Variants in ADGRG5 observed in about 807,000 individuals in gnomAD.
The protein encoded by ADGRG5 is G protein-coupled receptor 114.
Under a neutral mutation model 53.2 loss-of-function variants are expected in ADGRG5, and 37 were observed. That is an observed-to-expected ratio of 0.70 (90% CI 0.53 to 0.91). The LOEUF is 0.91. Ranked by LOEUF, ADGRG5 falls within the 40% of genes least tolerant of loss-of-function variation. The pLI, the probability that ADGRG5 is intolerant of heterozygous loss-of-function variation, is 0.00. For synonymous variants in ADGRG5, 277 were observed against 290.4 expected, an observed-to-expected ratio of 0.95 and a Z score of 0.47; for missense variants, 614 against 675.8, an observed-to-expected ratio of 0.91 and a Z score of 1.01.
At chr16:57,564,516 G>T (rs1166342912) in intron 5 of ADGRG5, among the ~76,000 whole-genome samples, 2 of 152,178 alleles carry the variant, frequency 1.3e-5, no homozygotes, top group Admixed American at 6.5e-5. Flanking sequence ...TGGCCAGGCT[G>T]ATCTTGAACT....
In ADGRG5 at chr16:57,574,952, G is replaced by T; in HGVS notation, c.1346G>T (p.Ser449Ile). 1 of 1,613,706 alleles carries T rather than the reference G, an allele frequency of 6.2e-7. No individual in the cohort carries two copies. Among genetic ancestry groups the T allele is most frequent in the Non-Finnish European group, 8.5e-7 (1 of 1,180,012 alleles). ...CTGCGGGAGCGGGCGGATGCACCAAGTGTCAGGGCCTGCCATGACACTGTC... is the reference window on the plus strand; with the variant it reads ...CTGCGGGAGCGGGCGGATGCACCAATTGTCAGGGCCTGCCATGACACTGTC... ...RRLRERADAP[S>I]VRACHDTVTV... The change falls in exon 11 of 12, where the codon AGT (serine) becomes ATT (isoleucine). Residue 449 changes from serine to isoleucine, a missense_variant. By Grantham distance (142) the Ser-to-Ile change is moderately radical. Coordinates refer to ENST00000349457, the MANE Select transcript of ADGRG5 (RefSeq NM_001304376.3). The surrounding 1 kb of genome is among the most constrained non-coding windows in gnomAD (Gnocchi z 4.4).
At chr16:57,537,074 T>C in the ADGRG5 span, among the ~76,000 whole-genome samples, 1 of 152,192 alleles carries the variant, frequency 6.6e-6, no homozygotes, top group African/African-American at 2.4e-5. Flanking sequence ...AAAGCAACCT[T>C]GCGCTTGTTA....
intron 1 of ADGRG5, among the ~76,000 whole-genome samples, chr16:57,553,493 T>C (rs1347182636): frequency 6.6e-6 from 1 of 152,232 alleles, no homozygotes; most frequent in East Asian, 1.9e-4. Flanking sequence ...CAAAAATCAA[T>C]ATATGAACAA....
Position 57,567,462 on chromosome 16 carries a change from T to C in ADGRG5, c.700-8T>C. ...CTTCTGGCCTCCAGCCCCTCTTCCC[T>C]CCTGCAGCAACTCTCCCCAGCCCTG... is the stretch of plus-strand genomic sequence containing the variant. On this transcript the variant is annotated splice_region_variant and splice_polypyrimidine_tract_variant and intron_variant, in intron 7 of 11. Coordinates refer to ENST00000349457, the MANE Select transcript of ADGRG5 (RefSeq NM_001304376.3). 1 of 1,606,358 alleles carries C rather than the reference T, an allele frequency of 6.2e-7. No homozygotes were observed. Among genetic ancestry groups the C allele is most frequent in the Non-Finnish European group, 8.5e-7 (1 of 1,179,704 alleles).
At chr16:57,545,307 C>A (rs1399920553) in intron 1 of ADGRG5, among the ~76,000 whole-genome samples, 2 of 152,116 alleles carry the variant, frequency 1.3e-5, no homozygotes, top group African/African-American at 2.4e-5. Context: ...CAGTGCATCC[C>A]AGTATCAATG....
intron 1 of ADGRG5, among the ~76,000 whole-genome samples, chr16:57,550,180 G>A (rs2032714076): frequency 6.6e-6 from 1 of 152,172 alleles, no homozygotes; most frequent in Non-Finnish European, 1.5e-5. Flanking sequence ...GTTTCACCAT[G>A]TTGGCCAGGC....
Position 57,563,994 on chromosome 16 carries a change from G to C in ADGRG5, c.429+15G>C. ...ACTTTTTCAAGGTCAGTGTGATGGC[G>C]GGCCAAGGAGGGTGGGTGCCGGCCC... is the stretch of plus-strand genomic sequence containing the variant. On this transcript the variant is annotated intron_variant, in intron 5 of 11. Transcript: ENST00000349457. 1 of 1,605,238 alleles carries C rather than the reference G, an allele frequency of 6.2e-7. No individual in the cohort carries two copies. Among genetic ancestry groups the C allele is most frequent in the Non-Finnish European group, 8.5e-7 (1 of 1,173,028 alleles).
intron 10 of ADGRG5, among the ~76,000 whole-genome samples, chr16:57,572,302 C>T (rs186178127): frequency 4.6e-5 from 7 of 152,082 alleles, no homozygotes; most frequent in East Asian, 1.9e-4. Context: ...AGTGAAACCC[C>T]GTCTCTATTA....
chr16:57,545,074 G>A (rs1244588193), intron 1 of ADGRG5, among the ~76,000 whole-genome samples: 3 of 152,026 alleles, frequency 2.0e-5, no homozygotes, highest in African/African-American at 4.8e-5. Context: ...ACCACACCCG[G>A]CTCCCCCAAA....
intron 1 of ADGRG5, among the ~76,000 whole-genome samples, chr16:57,556,211 G>A (rs1452531010): frequency 2.0e-5 from 3 of 152,008 alleles, no homozygotes; most frequent in Admixed American, 6.5e-5. Context: ...TATTTGGTAC[G>A]TGTTTCTTGA....
intron 1 of ADGRG5, among the ~76,000 whole-genome samples, chr16:57,544,007 A>T (rs118015149): frequency 0.031 from 4,745 of 152,284 alleles, 119 homozygotes; most frequent in Non-Finnish European, 0.046. Flanking sequence ...GCAACTGGTT[A>T]TCAAATTCTC....
upstream of ADGRG5, among the ~76,000 whole-genome samples, chr16:57,542,016 C>T (rs1317731224): frequency 6.6e-6 from 1 of 152,244 alleles, no homozygotes; most frequent in African/African-American, 2.4e-5. Flanking sequence ...TGAAATATGA[C>T]GGCTTCATAG....
At chr16:57,569,364 C>T (rs1049863057) in intron 9 of ADGRG5, among the ~76,000 whole-genome samples, 2 of 149,076 alleles carry the variant, frequency 1.3e-5, no homozygotes, top group African/African-American at 2.5e-5. Context: ...CCTCCATCAC[C>T]ACCTCCTCCA....
chr16:57,575,343 T>C lies in ADGRG5; in HGVS notation c.1487-95T>C, dbSNP rs897486053. 7 of 1,204,384 alleles carry C rather than the reference T, an allele frequency of 5.8e-6. No homozygotes were observed. In the African/African-American group the frequency reaches 1.1e-4, roughly 18 times the overall value. The allele number at this position is 1,204,384 out of a possible 1,614,324, so 74.6% of individuals were successfully genotyped here. A position where few individuals can be genotyped will look rare whatever the true frequency, so the allele number is the denominator to read the frequency against. ...AGTAAGAGATTCTGGGAGTTGCCCATGGGCCCCAGGGAGGCCAGCTCGCTG... is the reference window on the plus strand; with the variant it reads ...AGTAAGAGATTCTGGGAGTTGCCCACGGGCCCCAGGGAGGCCAGCTCGCTG... On this transcript the variant is annotated intron_variant, in intron 11 of 11. Transcript: ENST00000349457.
the ADGRG5 span, among the ~76,000 whole-genome samples, chr16:57,531,086 C>T: frequency 1.3e-5 from 2 of 152,184 alleles, no homozygotes; most frequent in African/African-American, 4.8e-5. Flanking sequence ...CTCACGATAT[C>T]CCTGCCCGAG....
chr16:57,548,413 T>C (rs556632875), intron 1 of ADGRG5, among the ~76,000 whole-genome samples: 1 of 152,178 alleles, frequency 6.6e-6, no homozygotes, highest in Non-Finnish European at 1.5e-5. Flanking sequence ...TCATTCTGTA[T>C]TATACTCACT....
chr16:57,536,248 C>T, the ADGRG5 span, among the ~76,000 whole-genome samples: 1 of 151,718 alleles, frequency 6.6e-6, no homozygotes, highest in Non-Finnish European at 1.5e-5. Flanking sequence ...ATTCCGGAGG[C>T]GCCTCCCCTC....
intron 9 of ADGRG5, among the ~76,000 whole-genome samples, chr16:57,569,582 C>T (rs1230198054): frequency 6.7e-6 from 1 of 148,822 alleles, no homozygotes; most frequent in Admixed American, 6.7e-5. Context: ...TCCATCATCA[C>T]CATCGCCTCC....
At chr16:57,533,780 A>G in the ADGRG5 span, among the ~76,000 whole-genome samples, 1 of 152,072 alleles carries the variant, frequency 6.6e-6, no homozygotes, top group Non-Finnish European at 1.5e-5. Context: ...CTGGTAACGC[A>G]CACACTCACT....
Sources: gnomAD v4.1 joint callset for allele counts (sites outside exome capture counted in the v4.1 genomes callset) on GRCh38, gnomAD v4.1.1 for gene constraint, Gnocchi (gnomAD v3.1) non-coding constraint, MANE v1.5 for transcripts, NCBI Gene and HGNC (gene_info 2026-07-23, HGNC 2026-07-21) for gene names.